Variants in CNTN3 observed in about 807,000 individuals in gnomAD.
CNTN3 encodes contactin-3.
In CNTN3, 60 loss-of-function variants were observed where a neutral mutation model predicts 119.1. The ratio of observed to expected loss-of-function variants is 0.50; its 90% CI spans 0.41 to 0.62. The LOEUF (loss-of-function observed/expected upper bound fraction) is 0.62. Among genes scored for constraint, CNTN3 ranks in the 20% least tolerant of loss-of-function variants. CNTN3 has a pLI of 0.00. For missense variants in CNTN3, 1,101 were observed against 1,242.4 expected (o/e 0.89, Z 1.71); for synonymous variants, 450 against 438.7 (o/e 1.03, Z -0.32).
intron 4 of CNTN3, among the ~76,000 whole-genome samples, chr3:74,485,358 A>G (rs1385656182): frequency 6.6e-6 from 1 of 152,104 alleles, no homozygotes; most frequent in Non-Finnish European, 1.5e-5. Flanking sequence ...TATAAACATC[A>G]CATATAGCTT....
At chr3:74,306,656 AC>A (rs1475352462) in intron 13 of CNTN3, among the ~76,000 whole-genome samples, 1 of 152,102 alleles carries the variant, frequency 6.6e-6, no homozygotes, top group Non-Finnish European at 1.5e-5. Context: ...GCTGCTGTCC[AC>A]AATTTACTCA....
At chr3:74,516,824 A>G in intron 2 of CNTN3, among the ~76,000 whole-genome samples, 1 of 143,920 alleles carries the variant, frequency 6.9e-6, no homozygotes, top group Admixed American at 6.8e-5. Context: ...TTAAAACAAT[A>G]TCCAAGGAAG....
At chr3:74,406,471 A>G (rs556530799) in intron 5 of CNTN3, among the ~76,000 whole-genome samples, 2 of 151,968 alleles carry the variant, frequency 1.3e-5, no homozygotes, top group East Asian at 3.9e-4. Flanking sequence ...AACATGCTAA[A>G]TTTTCTAAAT....
Position 74,610,459 on chromosome 3 carries a change from C to G in CNTN3, c.-81+3932G>C, listed in dbSNP as rs529964501. On this transcript the variant is annotated intron_variant, in intron 1 of 22. Coordinates refer to ENST00000263665, the MANE Select transcript of CNTN3 (RefSeq NM_020872.3). ...ATGATCCCTAACATAGGAAAGAGCT[C>G]AACACATCTGCAGAAATGAAAAAGG... 1.2e-4 allele frequency among the ~76,000 whole-genome samples: 19 copies of G among 152,154 alleles called. No individual in the cohort carries two copies. The South Asian group carries it at 3.7e-3, about 30-fold the overall frequency.
chr3:74,364,608 T>TA lies in CNTN3; in HGVS notation c.1084-13dup. 6.3e-7 allele frequency: 1 copy of TA among 1,588,496 alleles called. No homozygotes were observed. The highest frequency in any genetic ancestry group is 8.6e-7 in the Non-Finnish European group (1 of 1,159,706). On this transcript the variant is annotated splice_polypyrimidine_tract_variant and intron_variant, in intron 9 of 22. Transcript: ENST00000263665. Reference sequence around the variant, plus strand: ...ATCTGTGTTCTCTCCTAGATGATAATAAAAATATCTTTCATATAAACAAAC... The same window carrying TA: ...ATCTGTGTTCTCTCCTAGATGATAATAAAAAATATCTTTCATATAAACAAAC...
chr3:74,269,050 AAAAAAAAAAAC>A (rs1350936839), intron 20 of CNTN3, among the ~76,000 whole-genome samples: 1 of 54,040 alleles, frequency 1.9e-5, no homozygotes, highest in East Asian at 4.3e-4. Context: ...GACAAAAAGA[AAAAAAAAAAAC>A]AAAAAAAAAG....
intron 11 of CNTN3, among the ~76,000 whole-genome samples, chr3:74,351,523 G>C (rs1007637663): frequency 6.6e-5 from 10 of 152,198 alleles, no homozygotes; most frequent in Non-Finnish European, 1.0e-4. Context: ...ACATCTTTCT[G>C]ATTTCCATGC....
At chr3:74,484,101 G>A (rs1488778035) in intron 4 of CNTN3, among the ~76,000 whole-genome samples, 1 of 152,054 alleles carries the variant, frequency 6.6e-6, no homozygotes, top group Non-Finnish European at 1.5e-5. Context: ...CTTTATAAGA[G>A]GAATGACTCC....
At chr3:74,327,286 G>A (rs1335834360) in intron 13 of CNTN3, among the ~76,000 whole-genome samples, 1 of 151,610 alleles carries the variant, frequency 6.6e-6, no homozygotes, top group African/African-American at 2.4e-5. Flanking sequence ...GTGCCACCAC[G>A]CCTGGCTAAT....
chr3:74,336,389 C>T (rs1703397182), intron 12 of CNTN3, 142 bp downstream of exon 12: 3 of 852,278 alleles, frequency 3.5e-6, no homozygotes, highest in African/African-American at 3.4e-5. Flanking sequence ...TTGACTTTCA[C>T]CTGTTAAAAA....
chr3:74,327,947 T>C (rs1269160293), intron 13 of CNTN3, among the ~76,000 whole-genome samples: 2 of 151,840 alleles, frequency 1.3e-5, no homozygotes, highest in Admixed American at 1.3e-4. Flanking sequence ...GTTTTTCTTT[T>C]CTCTTTATTC....
chr3:74,358,910 T>G (rs1018786670), intron 11 of CNTN3, among the ~76,000 whole-genome samples: 8 of 151,944 alleles, frequency 5.3e-5, no homozygotes, highest in African/African-American at 1.7e-4. Flanking sequence ...GATTTCCAAT[T>G]TCATCCATGT....
At chr3:74,414,533 A>G (rs1701488858) in intron 5 of CNTN3, among the ~76,000 whole-genome samples, 1 of 152,184 alleles carries the variant, frequency 6.6e-6, no homozygotes, top group Admixed American at 6.5e-5. Context: ...GGTCACTGAT[A>G]AAGAATGCAG....
At chr3:74,509,547 T>C (rs1445842889) in intron 2 of CNTN3, among the ~76,000 whole-genome samples, 2 of 152,146 alleles carry the variant, frequency 1.3e-5, no homozygotes, top group Non-Finnish European at 2.9e-5. Context: ...CCACCCACCT[T>C]GGCTTCCCAA....
At chr3:74,485,789 C>T (rs1164723617) in intron 4 of CNTN3, among the ~76,000 whole-genome samples, 1 of 151,878 alleles carries the variant, frequency 6.6e-6, no homozygotes, top group Non-Finnish European at 1.5e-5. Context: ...AATTGAGCCT[C>T]TGGGTCCAAG....
chr3:74,497,511 T>C (rs1459982289), intron 3 of CNTN3, among the ~76,000 whole-genome samples: 3 of 151,894 alleles, frequency 2.0e-5, no homozygotes, highest in Non-Finnish European at 4.4e-5. Flanking sequence ...GAAACGAGCT[T>C]CTCTTGTGTT....
intron 5 of CNTN3, among the ~76,000 whole-genome samples, chr3:74,383,097 A>C (rs1575675526): frequency 6.6e-6 from 1 of 152,222 alleles, no homozygotes; most frequent in East Asian, 1.9e-4. Context: ...AATAAGGAAC[A>C]GTTAGACAGT....
chr3:74,344,987 T>C (rs1030494500), intron 11 of CNTN3, among the ~76,000 whole-genome samples: 1 of 152,126 alleles, frequency 6.6e-6, no homozygotes. Context: ...ATTCCATTCA[T>C]CCAATGACGC....
intron 11 of CNTN3, among the ~76,000 whole-genome samples, chr3:74,340,479 A>G (rs1215554823): frequency 1.3e-5 from 2 of 152,070 alleles, no homozygotes; most frequent in Non-Finnish European, 2.9e-5. Flanking sequence ...ATTAAGAGCC[A>G]TGCTCCCAAC....
Sources: gnomAD v4.1 joint callset for allele counts (sites outside exome capture counted in the v4.1 genomes callset) on GRCh38, gnomAD v4.1.1 for gene constraint, MANE v1.5 for transcripts, NCBI Gene and HGNC (gene_info 2026-07-23, HGNC 2026-07-21) for gene names.